The following GALNT17 variants were observed in gnomAD, a reference collection of about 807,000 sequenced individuals.
GALNT17 encodes UDP-GalNAc:polypeptide N-acetylgalactosaminyltransferase-like 3.
In GALNT17, 29 loss-of-function variants were observed where a neutral mutation model predicts 63.7. The ratio of observed to expected loss-of-function variants is 0.46; its 90% CI spans 0.34 to 0.62. The LOEUF (loss-of-function observed/expected upper bound fraction) is 0.62. Among genes scored for constraint, GALNT17 ranks in the 20% least tolerant of loss-of-function variants. The probability of loss-of-function intolerance (pLI) is 0.01; values close to 1 mark genes in which losing one functional copy is unlikely to be tolerated. For missense variants in GALNT17, 603 were observed against 799.6 expected, an observed-to-expected ratio of 0.75 and a Z score of 2.97; for synonymous variants, 305 against 318.3, an observed-to-expected ratio of 0.96 and a Z score of 0.45.
At chr7:71,500,002 C>T (rs1024792852) in intron 5 of GALNT17, among the ~76,000 whole-genome samples, 2 of 152,214 alleles carry the variant, frequency 1.3e-5, no homozygotes, top group Non-Finnish European at 2.9e-5. Flanking sequence ...GTGTTTGCTT[C>T]TCCTTCTACC....
At chr7:71,225,817 C>T (rs1255645944) in intron 1 of GALNT17, among the ~76,000 whole-genome samples, 7 of 152,116 alleles carry the variant, frequency 4.6e-5, no homozygotes, top group Admixed American at 4.6e-4. Flanking sequence ...ATGATACATT[C>T]ATGGCCTGCC....
chr7:71,491,865 C>T (rs546009159), intron 5 of GALNT17, among the ~76,000 whole-genome samples: 26 of 152,126 alleles, frequency 1.7e-4, no homozygotes, highest in Non-Finnish European at 3.5e-4. Flanking sequence ...CTTCTGGAAG[C>T]GTGAACTTGG....
intron 1 of GALNT17, among the ~76,000 whole-genome samples, chr7:71,258,897 TG>T (rs56004624): frequency 0.26 from 39,896 of 151,736 alleles, 5,463 homozygotes; most frequent in South Asian, 0.38. Context: ...AGTGAAGGAG[TG>T]GGGAAGACAT....
At chr7:71,582,572 T>C (rs1257088419) in intron 6 of GALNT17, among the ~76,000 whole-genome samples, 1 of 151,660 alleles carries the variant, frequency 6.6e-6, no homozygotes, top group Non-Finnish European at 1.5e-5. Context: ...AGAGCAAGAC[T>C]CCGTCTCAAA....
intron 1 of GALNT17, among the ~76,000 whole-genome samples, chr7:71,172,514 G>C (rs1788564329): frequency 6.6e-6 from 1 of 150,550 alleles, no homozygotes; most frequent in South Asian, 2.1e-4. Context: ...CTTAGGAACA[G>C]ACTCTAAGAA....
chr7:71,395,905 A>C (rs1047041802), intron 3 of GALNT17, among the ~76,000 whole-genome samples: 1 of 152,200 alleles, frequency 6.6e-6, no homozygotes, highest in Non-Finnish European at 1.5e-5. Context: ...TTGGAGAAAC[A>C]TCTATTCAAG....
chr7:71,290,943 C>A (rs914240061), intron 1 of GALNT17, among the ~76,000 whole-genome samples: 1 of 152,180 alleles, frequency 6.6e-6, no homozygotes, highest in Non-Finnish European at 1.5e-5. Flanking sequence ...TTCTCCGAGC[C>A]TTGGTTTCCA....
intron 1 of GALNT17, among the ~76,000 whole-genome samples, chr7:71,247,340 T>C (rs577262194): frequency 6.6e-6 from 1 of 152,320 alleles, no homozygotes; most frequent in East Asian, 1.9e-4. Context: ...GAGAAAAATT[T>C]TTTGATGGCT....
intron 1 of GALNT17, among the ~76,000 whole-genome samples, chr7:71,240,672 TTTCC>T: frequency 7.7e-6 from 1 of 130,070 alleles, no homozygotes; most frequent in Non-Finnish European, 1.6e-5. Context: ...TTTTTCTTTT[TTTCC>T]TTTTTTTTGA....
chr7:71,582,077 C>T (rs1789643697), intron 6 of GALNT17, among the ~76,000 whole-genome samples: 1 of 152,088 alleles, frequency 6.6e-6, no homozygotes, highest in Admixed American at 6.6e-5. Context: ...AGAACAATCA[C>T]TATGAAAAAC....
At chr7:71,624,497 A>G (rs59591796) in intron 6 of GALNT17, among the ~76,000 whole-genome samples, 38,633 of 152,008 alleles carry the variant, frequency 0.25, 5,225 homozygotes, top group Non-Finnish European at 0.29. Flanking sequence ...GGGGAAAAAA[A>G]TGACGTAAAA....
intron 9 of GALNT17, among the ~76,000 whole-genome samples, chr7:71,680,945 G>A (rs1177315831): frequency 6.7e-6 from 1 of 150,304 alleles, no homozygotes; most frequent in Non-Finnish European, 1.5e-5. Context: ...TGTTACCCAG[G>A]CTGGAGTGCA....
chr7:71,550,766 C>T (rs1789063295), intron 5 of GALNT17, among the ~76,000 whole-genome samples: 1 of 151,960 alleles, frequency 6.6e-6, no homozygotes, highest in South Asian at 2.1e-4. Context: ...TAATTATATC[C>T]CAATTGATAT....
intron 6 of GALNT17, among the ~76,000 whole-genome samples, chr7:71,639,645 C>T (rs1790576336): frequency 1.3e-5 from 2 of 152,196 alleles, no homozygotes; most frequent in South Asian, 4.1e-4. Flanking sequence ...AACCATAGCA[C>T]ACAACCGAAA....
chr7:71,619,247 T>G (rs1355155254), intron 6 of GALNT17, among the ~76,000 whole-genome samples: 1 of 152,242 alleles, frequency 6.6e-6, no homozygotes, highest in Non-Finnish European at 1.5e-5. Context: ...TTTTGTTCTT[T>G]TAGCTCAAGA....
At chr7:71,622,464 A>G (rs1348319106) in intron 6 of GALNT17, among the ~76,000 whole-genome samples, 44 of 152,176 alleles carry the variant, frequency 2.9e-4, no homozygotes, top group Non-Finnish European at 4.4e-5. Flanking sequence ...CTGACCTGCA[A>G]GCCCTCTGGG....
At chr7:71,337,841 C>T (rs1791936942) in intron 2 of GALNT17, among the ~76,000 whole-genome samples, 1 of 151,936 alleles carries the variant, frequency 6.6e-6, no homozygotes, top group African/African-American at 2.4e-5. Context: ...GCACTCCAGC[C>T]TGGGTGACAG....
chr7:71,453,862 G>A (rs557700290), intron 5 of GALNT17, among the ~76,000 whole-genome samples: 1 of 151,160 alleles, frequency 6.6e-6, no homozygotes, highest in African/African-American at 2.4e-5. Context: ...CATCAGGTCT[G>A]TTTGAGGACA....
chr7:71,392,518 T>C lies in GALNT17; in HGVS notation c.589+4117T>C, dbSNP rs188840637. On this transcript the variant is annotated intron_variant, in intron 3 of 10. Transcript: ENST00000333538. ...GGTAAGGCTGAAAATGTGCATTTCT[T>C]ATAAGCTCCTATTTGATGCTTACGT... Among the ~76,000 whole-genome samples the C allele has an allele frequency of 1.1e-3, 174 of 152,322 alleles. 1 individual carries two copies. Among genetic ancestry groups the C allele is most frequent in the Non-Finnish European group, 2.0e-3 (133 of 68,034 alleles).
Sources: allele counts gnomAD v4.1 joint callset (sites outside exome capture counted in the v4.1 genomes callset), GRCh38; gene constraint gnomAD v4.1.1; transcripts MANE v1.5; gene names NCBI Gene and HGNC (gene_info 2026-07-23, HGNC 2026-07-21).